Variants in RUNX3 observed in about 807,000 individuals in gnomAD.
RUNX3 encodes RUNX family transcription factor 3.
Under a neutral mutation model 27.7 loss-of-function variants are expected in RUNX3, and 10 were observed. The ratio of observed to expected loss-of-function variants is 0.36; its 90% confidence interval spans 0.22 to 0.61. The LOEUF (loss-of-function observed/expected upper bound fraction) is 0.61. Ranked by LOEUF, RUNX3 falls within the 20% of genes least tolerant of loss-of-function variation. The pLI is 0.72. For synonymous variants in RUNX3, 270 were observed against 269.2 expected, an observed-to-expected ratio of 1.00 and a Z score of -0.03; for missense variants, 469 against 629.5, an observed-to-expected ratio of 0.75 and a Z score of 2.73.
In RUNX3 at chr1:24,960,796, C is replaced by T. The variant is rs533084364; in HGVS notation, c.58+3718G>A. On this transcript the variant is annotated intron_variant, in intron 2 of 6. Transcript: ENST00000338888. ...GGGCCATTGGCCCATAATTGTCAGA[C>T]GGGGAAACTGAGGCCCAGAGAGAGG... 1.4e-3 allele frequency among the ~76,000 whole-genome samples: 209 copies of T among 152,234 alleles called. 2 individuals carry two copies. Among genetic ancestry groups the T allele is most frequent in the African/African-American group, 3.8e-3 (156 of 41,528 alleles).
chr1:24,962,250 A>G lies in RUNX3; in HGVS notation c.58+2264T>C, dbSNP rs1241494429. On this transcript the variant is annotated intron_variant, in intron 2 of 6. Transcript: ENST00000338888. This position sits in a 1 kb window ranked among gnomAD's most constrained non-coding sequence, Gnocchi z 4.5. ...TTCAACAAATGGAAAACGTGAGTCAATATGTCACCAGCTTGCTTTCTGAGT... is the reference window on the plus strand; with the variant it reads ...TTCAACAAATGGAAAACGTGAGTCAGTATGTCACCAGCTTGCTTTCTGAGT... 1.3e-5 allele frequency: 2 copies of G among 152,250 alleles called. No individual in the cohort carries two copies. Among genetic ancestry groups the G allele is most frequent in the Admixed American group, 1.3e-4 (2 of 15,284 alleles). 9.4% of individuals were successfully genotyped at this position (152,250 alleles called of 1,614,324 possible). A position where few individuals can be genotyped will look rare whatever the true frequency, so the allele number is the denominator to read the frequency against.
In RUNX3 at chr1:24,949,126, A is replaced by G. The variant is rs190898924; in HGVS notation, c.58+15388T>C. Among the ~76,000 whole-genome samples the G allele has an allele frequency of 1.1e-4, 17 of 152,070 alleles. No individual in the cohort carries two copies. In the East Asian group the frequency reaches 3.3e-3, roughly 29 times the overall value. On this transcript the variant is annotated intron_variant, in intron 2 of 6. Transcript: ENST00000338888. ...TTGATACAATCACATTCATTCCCAC[A>G]TACTGGAGCATTTCCCACGGGCGGC...
chr1:24,919,457 C>A (rs1411918135), intron 2 of RUNX3, 113 bp from the exon 3 acceptor site: 3 of 661,240 alleles, frequency 4.5e-6, no homozygotes, highest in Non-Finnish European at 7.9e-6. Flanking sequence ...AAGGGGCACT[C>A]TGTCCTCTTT....
chr1:24,962,552 G>A lies in RUNX3; in HGVS notation c.58+1962C>T, dbSNP rs1257570122. Among the ~76,000 whole-genome samples the A allele has an allele frequency of 6.6e-6, 1 of 152,236 alleles. No individual in the cohort carries two copies. Among genetic ancestry groups the A allele is most frequent in the African/African-American group, 2.4e-5 (1 of 41,458 alleles). ...GGCCCCCATGGCGAGCACGTCGTGA[G>A]CAGAAATGAACAGGAGAGAGAAGGC... is the stretch of plus-strand genomic sequence containing the variant. On this transcript the variant is annotated intron_variant, in intron 2 of 6. Transcript: ENST00000338888. This position sits in a 1 kb window ranked among gnomAD's most constrained non-coding sequence, Gnocchi z 4.5.
At position 24,914,931 on chromosome 1, in the gene RUNX3, C is replaced by T. The variant is rs148768997; in HGVS notation, c.544+4309G>A. On this transcript the variant is annotated intron_variant, in intron 3 of 4. Transcript: ENST00000308873. ...CTCCCCGCCCCATCCCTTGTTCCAT[C>T]CCTTGCACGCTCCACTCCTTCTCCC... Among the ~76,000 whole-genome samples, 562 of 152,334 alleles carry T rather than the reference C, an allele frequency of 3.7e-3. 14 individuals are homozygous for T. Among genetic ancestry groups the T allele is most frequent in the Admixed American group, 0.03 (458 of 15,302 alleles).
intron 2 of RUNX3, among the ~76,000 whole-genome samples, chr1:24,922,753 T>C (rs1161841033): frequency 3.5e-5 from 5 of 142,348 alleles, no homozygotes; most frequent in African/African-American, 1.4e-4. Flanking sequence ...GTGTGCGGGC[T>C]TCACCAGCTA....
intron 3 of RUNX3, among the ~76,000 whole-genome samples, chr1:24,913,042 GACC>G (rs1245908037): frequency 6.6e-6 from 1 of 152,172 alleles, no homozygotes; most frequent in African/African-American, 2.4e-5. Flanking sequence ...CCCTGCTCTA[GACC>G]ACCAAGTCAC....
upstream of RUNX3, among the ~76,000 whole-genome samples, chr1:24,935,205 A>T (rs10903115): frequency 3.1e-3 from 471 of 152,154 alleles, 2 homozygotes; most frequent in African/African-American, 0.011. Flanking sequence ...ATACACTAGC[A>T]CCCTGATGCC....
At chr1:24,951,219 A>T (rs1055854193) in intron 2 of RUNX3, among the ~76,000 whole-genome samples, 5 of 150,388 alleles carry the variant, frequency 3.3e-5, no homozygotes, top group Middle Eastern at 3.5e-3. Context: ...AAAAAAAAAA[A>T]AAAATAAGGC....
chr1:24,923,135 T>C lies in RUNX3; in HGVS notation c.440-3791A>G, dbSNP rs771043218. Reference sequence around the variant, plus strand: ...GTGAGAAGCCCCCACCCATACCAGGTAGCAAACCACATGCCACCCCTGAGG... The same window carrying C: ...GTGAGAAGCCCCCACCCATACCAGGCAGCAAACCACATGCCACCCCTGAGG... On this transcript the variant is annotated intron_variant, in intron 2 of 4. Transcript: ENST00000308873. This position sits in a 1 kb window ranked among gnomAD's most constrained non-coding sequence, Gnocchi z 5.9. 7.2e-5 allele frequency among the ~76,000 whole-genome samples: 11 copies of C among 152,062 alleles called. No homozygotes were observed. Among genetic ancestry groups the C allele is most frequent in the Non-Finnish European group, 1.3e-4 (9 of 68,016 alleles).
At chr1:24,942,083 C>T (rs1641491659) in intron 2 of RUNX3, among the ~76,000 whole-genome samples, 1 of 152,182 alleles carries the variant, frequency 6.6e-6, no homozygotes, top group South Asian at 2.1e-4. Flanking sequence ...GCCCTTTTAG[C>T]TCACGGAGGC....
At chr1:24,908,112 ACGCGG>A in intron 3 of RUNX3, among the ~76,000 whole-genome samples, 1 of 140,626 alleles carries the variant, frequency 7.1e-6, no homozygotes, top group African/African-American at 2.7e-5. Flanking sequence ...CCTCTACGAC[ACGCGG>A]TGATCCAAAC....
chr1:24,906,810 T>G (rs1640673112), intron 4 of RUNX3, among the ~76,000 whole-genome samples: 2 of 152,226 alleles, frequency 1.3e-5, no homozygotes, highest in African/African-American at 4.8e-5. Flanking sequence ...CATTTGAATG[T>G]CATCCCAGCC....
At chr1:24,905,799 C>T (rs1215380448) in intron 4 of RUNX3, among the ~76,000 whole-genome samples, 2 of 152,274 alleles carry the variant, frequency 1.3e-5, no homozygotes, top group Non-Finnish European at 2.9e-5. Context: ...CAGGCTACTG[C>T]ACCTCGACAG....
chr1:24,930,589 C>T (rs907708007), upstream of RUNX3, among the ~76,000 whole-genome samples: 55 of 152,278 alleles, frequency 3.6e-4, no homozygotes, highest in African/African-American at 1.3e-3. This position sits in a 1 kb window ranked among gnomAD's most constrained non-coding sequence, Gnocchi z 4.1. Flanking sequence ...GGTCGTAGCT[C>T]CCTGACGCTG....
intron 3 of RUNX3, among the ~76,000 whole-genome samples, chr1:24,913,099 T>C (rs958591179): frequency 6.6e-6 from 1 of 152,222 alleles, no homozygotes; most frequent in Non-Finnish European, 1.5e-5. Flanking sequence ...AAAGTGGTTA[T>C]CATACTGTCT....
chr1:24,948,480 T>A (rs1571349939), intron 2 of RUNX3, among the ~76,000 whole-genome samples: 2 of 152,028 alleles, frequency 1.3e-5, no homozygotes, highest in Non-Finnish European at 2.9e-5. Flanking sequence ...CACCCGCAGG[T>A]CTTACCAGAA....
chr1:24,947,102 C>T (rs570899883), intron 2 of RUNX3, among the ~76,000 whole-genome samples: 12 of 152,266 alleles, frequency 7.9e-5, no homozygotes, highest in Non-Finnish European at 1.5e-4. Flanking sequence ...TGTGTCCTCA[C>T]GGTAACCCTG....
rs554819521 is a variant in RUNX3, at chr1:24,937,350, GC to G, written c.59-7499del. ...GTCCTGCGTTTTCATTTTGTACTGG[GC>G]CCCCCAAATTATATAGCCAGTCCTG... On this transcript the variant is annotated intron_variant, in intron 2 of 6. Transcript: ENST00000338888. Among the ~76,000 whole-genome samples the G allele has an allele frequency of 3.9e-5, 6 of 152,246 alleles. No homozygotes were observed. In the East Asian group the frequency reaches 1.2e-3, roughly 29 times the overall value.
Sources: allele counts gnomAD v4.1 joint callset (sites outside exome capture counted in the v4.1 genomes callset), GRCh38; gene constraint gnomAD v4.1.1; non-coding constraint Gnocchi (gnomAD v3.1); transcripts MANE v1.5; gene names NCBI Gene and HGNC (gene_info 2026-07-23, HGNC 2026-07-21).